Variants in MXI1 observed in about 807,000 individuals in gnomAD.
MXI1 encodes MAX interactor 1, dimerization protein.
MXI1 carries 18 observed loss-of-function variants against 36.9 expected under a neutral mutation model. The ratio of observed to expected loss-of-function variants is 0.49; its 90% CI spans 0.34 to 0.72. The LOEUF (loss-of-function observed/expected upper bound fraction) is 0.72. MXI1 is among the 30% of genes least tolerant of loss of function. The pLI is 0.01. For synonymous variants in MXI1, 160 were observed against 146.7 expected, an observed-to-expected ratio of 1.09 and a Z score of -0.65; for missense variants, 304 against 379.1, an observed-to-expected ratio of 0.80 and a Z score of 1.64.
intron 3 of MXI1, among the ~76,000 whole-genome samples, chr10:110,273,101 G>A (rs1203813558): frequency 7.2e-6 from 1 of 139,378 alleles, no homozygotes; most frequent in Non-Finnish European, 1.5e-5. Flanking sequence ...TGGCTCGAGT[G>A]CAGTGATGCG....
At chr10:110,225,547 C>G (rs1854932313) in intron 1 of MXI1, among the ~76,000 whole-genome samples, 1 of 152,114 alleles carries the variant, frequency 6.6e-6, no homozygotes, top group Non-Finnish European at 1.5e-5. Flanking sequence ...TGCAGATGAG[C>G]AAACTGAGGC....
chr10:110,231,064 G>T (rs140160825), intron 2 of MXI1, among the ~76,000 whole-genome samples: 1 of 152,102 alleles, frequency 6.6e-6, no homozygotes, highest in South Asian at 2.1e-4. Context: ...TATATGATAT[G>T]CCTGATAAAA....
At chr10:110,228,108 T>A in intron 1 of MXI1, 81 bp from the exon 2 acceptor site, 1 of 1,523,860 alleles carries the variant, frequency 6.6e-7, no homozygotes, top group Non-Finnish European at 9.0e-7. Flanking sequence ...AACCTGTTAC[T>A]GCAAAGACCT....
chr10:110,267,023 G>A lies in MXI1; in HGVS notation c.438-12157G>A, dbSNP rs115376280. On this transcript the variant is annotated intron_variant, in intron 3 of 5. Transcript: ENST00000332674. Reference sequence around the variant, plus strand: ...GACCCTTTAAAATCTAAAATCAAATGAGAAAGATACAGGCTTTCTAATGTT... The same window carrying A: ...GACCCTTTAAAATCTAAAATCAAATAAGAAAGATACAGGCTTTCTAATGTT... Among the ~76,000 whole-genome samples, 787 of 152,272 alleles carry A rather than the reference G, an allele frequency of 5.2e-3. 5 individuals are homozygous for A. Among genetic ancestry groups the A allele is most frequent in the African/African-American group, 0.018 (766 of 41,542 alleles).
chr10:110,234,992 G>C (rs1315414670), intron 2 of MXI1, among the ~76,000 whole-genome samples: 2 of 152,096 alleles, frequency 1.3e-5, no homozygotes, highest in African/African-American at 4.8e-5. Flanking sequence ...AGTTTAAAAA[G>C]TCAATTAATA....
At chr10:110,229,200 C>A (rs1437050318) in intron 2 of MXI1, among the ~76,000 whole-genome samples, 3 of 152,178 alleles carry the variant, frequency 2.0e-5, no homozygotes, top group Admixed American at 6.5e-5. Flanking sequence ...TTTCAAAAGG[C>A]CTTTCTTAAC....
At position 110,227,485 on chromosome 10, in the gene MXI1, C is replaced by T. The variant is rs531970889; in HGVS notation, c.275-704C>T. The stretch of plus-strand genomic sequence containing the variant: ...GGAGGGAAGTTGGAGAGAGGGCGGT[C>T]TGGGGCTGGAGAGAGGGTGACCGTG... On this transcript the variant is annotated intron_variant, in intron 1 of 5. Coordinates refer to ENST00000332674, the MANE Select transcript of MXI1 (RefSeq NM_130439.3). The T allele has an allele frequency of 1.8e-3, 1,765 of 986,748 alleles. 3 individuals carry two copies. The highest frequency in any genetic ancestry group is 2.2e-3 in the Admixed American group (35 of 16,020). 61.1% of individuals were successfully genotyped at this position (986,748 alleles called of 1,614,324 possible).
intron 1 of MXI1, among the ~76,000 whole-genome samples, chr10:110,213,110 A>T (rs1854549132): frequency 6.6e-6 from 1 of 152,188 alleles, no homozygotes. Context: ...AGAAATACTG[A>T]TCTCCAACTC....
At chr10:110,283,537 G>A (rs954485731) in intron 5 of MXI1, among the ~76,000 whole-genome samples, 7 of 147,738 alleles carry the variant, frequency 4.7e-5, no homozygotes, top group Non-Finnish European at 1.0e-4. Flanking sequence ...GTGCTTGGCC[G>A]CACCCGGCTG....
At chr10:110,281,434 C>T (rs1857245509) in intron 5 of MXI1, among the ~76,000 whole-genome samples, 1 of 152,014 alleles carries the variant, frequency 6.6e-6, no homozygotes, top group South Asian at 2.1e-4. Context: ...GGCATTTTAC[C>T]ATTGGTATGT....
At chr10:110,281,743 G>GT (rs927202627) in intron 5 of MXI1, among the ~76,000 whole-genome samples, 1 of 152,078 alleles carries the variant, frequency 6.6e-6, no homozygotes, top group Non-Finnish European at 1.5e-5. Flanking sequence ...CATTTAACAT[G>GT]TTATGTCCTT....
intron 3 of MXI1, among the ~76,000 whole-genome samples, chr10:110,255,309 A>AT (rs1199263490): frequency 6.6e-6 from 1 of 152,116 alleles, no homozygotes; most frequent in Non-Finnish European, 1.5e-5. Context: ...TACTCAGAAA[A>AT]TTTTTTTAAA....
chr10:110,256,096 T>C (rs1461074280), intron 3 of MXI1, among the ~76,000 whole-genome samples: 1 of 152,168 alleles, frequency 6.6e-6, no homozygotes, highest in African/African-American at 2.4e-5. Context: ...CACAACTGGA[T>C]ACCTACATAC....
chr10:110,211,448 T>G (rs1191939875), intron 1 of MXI1, among the ~76,000 whole-genome samples: 1 of 152,206 alleles, frequency 6.6e-6, no homozygotes, highest in Admixed American at 6.5e-5. Context: ...TGTCCGGAGA[T>G]GAGTGTCGGG....
intron 1 of MXI1, among the ~76,000 whole-genome samples, chr10:110,217,259 G>T (rs781637712): frequency 1.3e-5 from 2 of 152,178 alleles, no homozygotes; most frequent in Non-Finnish European, 2.9e-5. Context: ...CACACTGTCC[G>T]GAGGGAGAGG....
chr10:110,213,683 T>A (rs965930636), intron 1 of MXI1, among the ~76,000 whole-genome samples: 2 of 152,162 alleles, frequency 1.3e-5, no homozygotes, highest in Non-Finnish European at 2.9e-5. Context: ...AATTGAGCCA[T>A]TCCTGGTTTG....
Position 110,285,099 on chromosome 10 carries a change from CAAA to C in MXI1, c.*114_*116del. ...GTCTCCTCTTTAAAACAAAACAAAA[CAAA>C]ACAAAACTATACTTGAACAAAAGGG... On this transcript the variant is annotated 3_prime_UTR_variant, in exon 6 of 6. Coordinates refer to ENST00000332674, the MANE Select transcript of MXI1 (RefSeq NM_130439.3). The C allele has an allele frequency of 2.9e-6, 3 of 1,047,664 alleles. No individual in the cohort carries two copies. Among genetic ancestry groups the C allele is most frequent in the Non-Finnish European group, 3.9e-6 (3 of 764,312 alleles). The allele number at this position is 1,047,664 out of a possible 1,614,324, so 64.9% of individuals were successfully genotyped here.
chr10:110,216,526 C>T (rs547380187), intron 1 of MXI1, among the ~76,000 whole-genome samples: 1 of 152,092 alleles, frequency 6.6e-6, no homozygotes, highest in African/African-American at 2.4e-5. Flanking sequence ...TAAAGTGAAC[C>T]CCAACAATGC....
chr10:110,280,233 C>A, intron 5 of MXI1, 148 bp downstream of exon 5: 1 of 522,030 alleles, frequency 1.9e-6, no homozygotes, highest in Non-Finnish European at 2.9e-6. Flanking sequence ...TTGTCTACAG[C>A]AGTGCCAGTG....
Sources: gnomAD v4.1 joint callset for allele counts (sites outside exome capture counted in the v4.1 genomes callset) on GRCh38, gnomAD v4.1.1 for gene constraint, MANE v1.5 for transcripts, NCBI Gene and HGNC (gene_info 2026-07-23, HGNC 2026-07-21) for gene names.